The following FAM184B variants were observed in gnomAD, a reference collection of about 807,000 sequenced individuals.
The protein encoded by FAM184B is family with sequence similarity 184 member B.
In FAM184B, 111 loss-of-function variants were observed where a neutral mutation model predicts 135.9. The observed-to-expected ratio is 0.82, with a 90% CI of 0.70 to 0.96. FAM184B has a LOEUF of 0.96. Ranked by LOEUF, FAM184B falls within the 40% of genes least tolerant of loss-of-function variation. FAM184B has a pLI of 0.00. For missense variants in FAM184B, 1,375 were observed against 1,323.9 expected (o/e 1.04, Z -0.60); for synonymous variants, 552 against 524.8 (o/e 1.05, Z -0.71).
intron 2 of FAM184B, among the ~76,000 whole-genome samples, chr4:17,708,663 C>CTATACATATA (rs1228433126): frequency 0.016 from 271 of 16,988 alleles, 22 homozygotes; most frequent in Non-Finnish European, 0.023. Context: ...GGAAACAAAA[C>CTATACATATA]TATATATATA....
intron 1 of FAM184B, among the ~76,000 whole-genome samples, chr4:17,752,344 AGG>A (rs1179747328): frequency 1.3e-5 from 2 of 151,612 alleles, no homozygotes; most frequent in Non-Finnish European, 2.9e-5. Context: ...GACGGGAGAT[AGG>A]GGGAGGTGAG....
At chr4:17,754,585 A>T (rs1718380176) in intron 1 of FAM184B, among the ~76,000 whole-genome samples, 1 of 151,772 alleles carries the variant, frequency 6.6e-6, no homozygotes, top group Non-Finnish European at 1.5e-5. Flanking sequence ...AAAGAAAGAA[A>T]AAGAAACTTT....
rs1715243061 is a variant in FAM184B at position 17,639,392 on chromosome 4, G to C, written c.2524C>G (p.Leu842Val). 1 of 1,551,584 alleles carries C rather than the reference G, an allele frequency of 6.4e-7. No homozygotes were observed. The highest frequency in any genetic ancestry group is 8.7e-7 in the Non-Finnish European group (1 of 1,146,990). The change falls in exon 14 of 18, where the codon CTG (leucine) becomes GTG (valine). Residue 842 changes from leucine to valine, a missense_variant. Transcript: ENST00000265018. ...CGCTGGGCTTGCTGAGTCTCCTCCA[G>C]GAACCTGTGGTGGATGAAAGCACAG... is the stretch of plus-strand genomic sequence containing the variant. ...AQKLRDQRRF[L>V]EETQQAQRAR...
chr4:17,637,142 TCA>T (rs1188460068), intron 14 of FAM184B, among the ~76,000 whole-genome samples: 1 of 152,046 alleles, frequency 6.6e-6, no homozygotes, highest in Admixed American at 6.6e-5. Flanking sequence ...TTCTTGTGCC[TCA>T]CAGCCTCCTG....
chr4:17,661,384 C>T (rs1196559238), intron 8 of FAM184B, among the ~76,000 whole-genome samples: 1 of 152,076 alleles, frequency 6.6e-6, no homozygotes, highest in African/African-American at 2.4e-5. Flanking sequence ...AACCCCGTCT[C>T]TACTAAAAAT....
chr4:17,641,952 G>A, intron 13 of FAM184B, 104 bp downstream of exon 13: 1 of 1,412,732 alleles, frequency 7.1e-7, no homozygotes, highest in Non-Finnish European at 9.2e-7. Context: ...CCGAGGCAGT[G>A]ACCCATTTCA....
chr4:17,688,848 C>A (rs998202600), intron 6 of FAM184B, among the ~76,000 whole-genome samples: 2 of 151,972 alleles, frequency 1.3e-5, no homozygotes, highest in East Asian at 1.9e-4. Context: ...TGCACCACCA[C>A]GCCCAGCTAA....
At chr4:17,649,445 G>A (rs1017468087) in intron 11 of FAM184B, among the ~76,000 whole-genome samples, 8 of 151,980 alleles carry the variant, frequency 5.3e-5, no homozygotes, top group Non-Finnish European at 7.4e-5. Context: ...TTAGCCAGGC[G>A]TGGTGGCAGG....
rs1717209965 is a variant in FAM184B at position 17,709,624 on chromosome 4, G to A, written c.162C>T (p.Thr54=). Residue 54 remains threonine (T), a synonymous_variant, in exon 2 of 18, where the codon ACC becomes ACT. Coordinates refer to ENST00000265018, the MANE Select transcript of FAM184B (RefSeq NM_015688.2). ...QLTKVIYALN[T]RQDEAEASME... ...TGCTGGCCTCAGCCTCATCCTGGCG[G>A]GTGTTCAGGGCATAAATCACCTGCA... 2.0e-6 allele frequency: 3 copies of A among 1,517,734 alleles called. No homozygotes were observed. In the East Asian group the frequency reaches 7.4e-5, roughly 37 times the overall value. The allele number at this position is 1,517,734 out of a possible 1,614,324, so 94.0% of individuals were successfully genotyped here.
Position 17,633,729 on chromosome 4 carries a change from A to G in FAM184B, c.3049T>C (p.Tyr1017His). Residue 1017 changes from tyrosine to histidine, a missense_variant, in exon 17 of 18, where the codon TAC becomes CAC. Coordinates refer to ENST00000265018, the MANE Select transcript of FAM184B (RefSeq NM_015688.2). ...LDPSPSCGRT[Y>H]KPNQSTDAKT... ...GCATCTGTAGACTGGTTGGGTTTGT[A>G]GGTCCGGCCACAGCTGGGGCTTGGG... The G allele has an allele frequency of 6.5e-7, 1 of 1,549,190 alleles. No individual in the cohort carries two copies. The highest frequency in any genetic ancestry group is 1.2e-5 in the South Asian group (1 of 83,734).
In FAM184B at chr4:17,671,518, A is replaced by G. The variant is rs568025312; in HGVS notation, c.1597-6859T>C. On this transcript the variant is annotated intron_variant, in intron 7 of 17. Coordinates refer to ENST00000265018, the MANE Select transcript of FAM184B (RefSeq NM_015688.2). The stretch of plus-strand genomic sequence containing the variant: ...CCCCATTACCTGGCCAGGCTCATTA[A>G]TGGGGGATTCTCTTGTACAAGATCA... 1.1e-4 allele frequency among the ~76,000 whole-genome samples: 16 copies of G among 152,238 alleles called. No homozygotes were observed. The South Asian group carries it at 3.3e-3, about 32-fold the overall frequency.
At chr4:17,635,789 G>GC (rs2108926456) in intron 15 of FAM184B, among the ~76,000 whole-genome samples, 1 of 152,282 alleles carries the variant, frequency 6.6e-6, no homozygotes, top group Admixed American at 6.5e-5. Context: ...AGGCAGGTGA[G>GC]CAGGAGCAGA....
At chr4:17,705,466 C>T (rs1362688647) in intron 4 of FAM184B, among the ~76,000 whole-genome samples, 2 of 152,188 alleles carry the variant, frequency 1.3e-5, no homozygotes, top group African/African-American at 4.8e-5. Flanking sequence ...TTAAATAATG[C>T]TTTGCTTGTT....
chr4:17,764,007 A>C (rs1213101894), intron 1 of FAM184B, among the ~76,000 whole-genome samples: 2 of 152,112 alleles, frequency 1.3e-5, no homozygotes, highest in African/African-American at 4.8e-5. Flanking sequence ...CCCGCCCCCA[A>C]CACCTACCTA....
chr4:17,768,627 CT>C (rs532785945), intron 1 of FAM184B, among the ~76,000 whole-genome samples: 1 of 151,928 alleles, frequency 6.6e-6, no homozygotes, highest in Non-Finnish European at 1.5e-5. Context: ...TAGTTTTTTT[CT>C]TTTATGGTTT....
chr4:17,742,056 A>G (rs530345360), intron 1 of FAM184B, among the ~76,000 whole-genome samples: 1 of 151,610 alleles, frequency 6.6e-6, no homozygotes, highest in African/African-American at 2.4e-5. Flanking sequence ...AATATATTGG[A>G]CACTTAAAAA....
At chr4:17,739,935 C>T (rs1474845398) in intron 1 of FAM184B, among the ~76,000 whole-genome samples, 2 of 152,064 alleles carry the variant, frequency 1.3e-5, no homozygotes, top group South Asian at 2.1e-4. Flanking sequence ...GTTCAAATTG[C>T]TATTATTTTG....
chr4:17,757,615 T>C lies in FAM184B; in HGVS notation c.141+23544A>G, dbSNP rs1718451343. Reference sequence around the variant, plus strand: ...TGAGATCGATATAAAATGATTCAGGTGTAGGGAATAGATATGGATAGAAAT... The same window carrying C: ...TGAGATCGATATAAAATGATTCAGGCGTAGGGAATAGATATGGATAGAAAT... On this transcript the variant is annotated intron_variant, in intron 1 of 17. Transcript: ENST00000265018. 1.3e-5 allele frequency among the ~76,000 whole-genome samples: 2 copies of C among 152,256 alleles called. 1 individual carries two copies. The highest frequency in any genetic ancestry group is 4.1e-4 in the South Asian group (2 of 4,828).
In FAM184B at chr4:17,652,868, T is replaced by A; in HGVS notation, c.2153A>T (p.Glu718Val). 4 of 1,551,626 alleles carry A rather than the reference T, an allele frequency of 2.6e-6. No homozygotes were observed. The highest frequency in any genetic ancestry group is 3.5e-6 in the Non-Finnish European group (4 of 1,146,984). The change falls in exon 11 of 18, where the codon GAG (glutamate) becomes GTG (valine). Residue 718 changes from glutamate (E) to valine (V), a missense_variant. Physicochemically the swap from Glu to Val is moderately radical, Grantham distance 121. Coordinates refer to ENST00000265018, the MANE Select transcript of FAM184B (RefSeq NM_015688.2). Reference sequence around the variant, plus strand: ...CTGCTGTGCCTGCATCCTCTCACGCTCCTCCTGCAGCTCTTGCCTGGCCTT... The same window carrying A: ...CTGCTGTGCCTGCATCCTCTCACGCACCTCCTGCAGCTCTTGCCTGGCCTT... ...EEKARQELQE[E>V]RERMQAQQAL...
Sources: gnomAD v4.1 joint callset for allele counts (sites outside exome capture counted in the v4.1 genomes callset) on GRCh38, gnomAD v4.1.1 for gene constraint, MANE v1.5 for transcripts, NCBI Gene and HGNC (gene_info 2026-07-23, HGNC 2026-07-21) for gene names.